Variants in NPIPB15 observed in about 807,000 individuals in gnomAD.
NPIPB15 encodes the protein nuclear pore complex interacting protein family member B15.
A neutral mutation model predicts 35.9 loss-of-function variants in NPIPB15; 5 were observed. The observed-to-expected ratio is 0.14, with a 90% CI of 0.07 to 0.29. The LOEUF (loss-of-function observed/expected upper bound fraction) is 0.29. NPIPB15 is among the 10% of genes least tolerant of loss of function. The pLI is 1.00. For missense variants in NPIPB15, 100 were observed against 506.1 expected (o/e 0.20, Z 7.70); for synonymous variants, 43 against 182.0 (o/e 0.24, Z 6.15).
chr16:74,386,357 A>T (rs2012282775), intron 5 of NPIPB15, among the ~76,000 whole-genome samples: 2 of 137,666 alleles, frequency 1.5e-5, no homozygotes, highest in East Asian at 4.9e-4. Flanking sequence ...GCTATGGTGC[A>T]ATCTTGGCTC....
chr16:74,387,500 G>A (rs1266861467), intron 5 of NPIPB15, among the ~76,000 whole-genome samples: 20 of 147,834 alleles, frequency 1.4e-4, no homozygotes, highest in African/African-American at 3.1e-4. Flanking sequence ...TGTTCTCATC[G>A]GAGATCAGAA....
chr16:74,377,203 T>C lies in NPIPB15; in HGVS notation c.-166T>C, dbSNP rs1367174463. Among the ~76,000 whole-genome samples, 1 of 135,768 alleles carries C rather than the reference T, an allele frequency of 7.4e-6. No individual in the cohort carries two copies. Among genetic ancestry groups the C allele is most frequent in the East Asian group, 2.1e-4 (1 of 4,698 alleles). The allele number at this position is 135,768 out of a possible 152,430, so 89.1% of individuals were successfully genotyped here. A position where few individuals can be genotyped will look rare whatever the true frequency, so the allele number is the denominator to read the frequency against. On this transcript the variant is annotated 5_prime_UTR_variant, in exon 1 of 8. Transcript: ENST00000692376. ...TGTAAAACCTGGCACTCTGCTTGGG[T>C]ATGAAGTTCTTCCTGCCATCCTGCC...
In NPIPB15 at chr16:74,379,831, A is replaced by T. The variant is rs1280074252; in HGVS notation, c.67-1685A>T. 7.9e-5 allele frequency among the ~76,000 whole-genome samples: 12 copies of T among 151,938 alleles called. No homozygotes were observed. The East Asian group carries it at 2.3e-3, about 30-fold the overall frequency. On this transcript the variant is annotated intron_variant, in intron 2 of 7. Coordinates refer to ENST00000692376, the MANE Select transcript of NPIPB15 (RefSeq NM_001306094.2). ...TCTCAATCTCCTGATCTCGTGGTCC[A>T]CCCACCTCGGCTTCCCAAAGTGCTG... is the stretch of plus-strand genomic sequence containing the variant.
chr16:74,377,592 G>A (rs569770846), intron 1 of NPIPB15, among the ~76,000 whole-genome samples: 11 of 152,124 alleles, frequency 7.2e-5, no homozygotes, highest in South Asian at 6.2e-4. Flanking sequence ...TAAGCCTCAC[G>A]CTCCCTTGCC....
At chr16:74,384,590 A>G (rs2012158148) in intron 3 of NPIPB15, among the ~76,000 whole-genome samples, 1 of 142,116 alleles carries the variant, frequency 7.0e-6, no homozygotes, top group East Asian at 2.3e-4. Flanking sequence ...GATGGTCTCC[A>G]TCTCTTGACC....
intron 5 of NPIPB15, among the ~76,000 whole-genome samples, chr16:74,387,679 G>A (rs2012348637): frequency 6.6e-6 from 1 of 152,052 alleles, no homozygotes; most frequent in Admixed American, 6.6e-5. Flanking sequence ...ACAGGACCCT[G>A]CTCCCATTGC....
chr16:74,391,844 G>A lies in NPIPB15; in HGVS notation c.1096G>A (p.Val366Met), dbSNP rs1346372305. Residue 366 changes from valine (V) to methionine (M), a missense_variant, in exon 8 of 8, where the codon GTG becomes ATG. Transcript: ENST00000692376. ...ACCCAAGAGGTGGAGGGTGGATGAG[G>A]TGGAACAATCACCGAAACCCAAGAG... ...PKPKRWRVDEVEQSPKPKRRR... is the reference protein window; with the variant it reads ...PKPKRWRVDEMEQSPKPKRRR... The A allele has an allele frequency of 6.2e-7, 1 of 1,608,314 alleles. No individual in the cohort carries two copies. The highest frequency in any genetic ancestry group is 8.5e-7 in the Non-Finnish European group (1 of 1,176,402).
At chr16:74,379,214 C>T (rs934852730) in intron 2 of NPIPB15, among the ~76,000 whole-genome samples, 1 of 152,220 alleles carries the variant, frequency 6.6e-6, no homozygotes, top group African/African-American at 2.4e-5. Flanking sequence ...CAGATGCATG[C>T]CATGCCATAG....
chr16:74,379,965 T>G (rs2011896836), intron 2 of NPIPB15, among the ~76,000 whole-genome samples: 3 of 151,594 alleles, frequency 2.0e-5, no homozygotes, highest in Non-Finnish European at 4.4e-5. Context: ...TTTTTTTTTT[T>G]TTTTTTACTT....
At chr16:74,389,438 T>C (rs1386302631) in intron 5 of NPIPB15, among the ~76,000 whole-genome samples, 3 of 149,548 alleles carry the variant, frequency 2.0e-5, no homozygotes, top group Non-Finnish European at 4.4e-5. Flanking sequence ...AATGACGTGA[T>C]CTTGGCTCAC....
intron 5 of NPIPB15, among the ~76,000 whole-genome samples, 190 bp from the exon 6 acceptor site, chr16:74,389,635 G>A (rs2012445827): frequency 1.1e-5 from 1 of 94,412 alleles, no homozygotes; most frequent in Non-Finnish European, 2.2e-5. Flanking sequence ...CCCTCCCGGA[G>A]TGCTGGGACT....
At chr16:74,387,092 G>A (rs1353535079) in intron 5 of NPIPB15, among the ~76,000 whole-genome samples, 2 of 151,726 alleles carry the variant, frequency 1.3e-5, no homozygotes, top group South Asian at 2.1e-4. Context: ...GATGGTCACG[G>A]GTCCTCCATA....
chr16:74,389,252 G>A (rs1474601620), intron 5 of NPIPB15, among the ~76,000 whole-genome samples: 1 of 149,356 alleles, frequency 6.7e-6, no homozygotes, highest in Non-Finnish European at 1.5e-5. Flanking sequence ...CTCAATGAAG[G>A]ATGAATTAGG....
chr16:74,378,620 G>A (rs1305339412), intron 2 of NPIPB15, among the ~76,000 whole-genome samples: 2 of 149,298 alleles, frequency 1.3e-5, no homozygotes, highest in East Asian at 2.0e-4. Flanking sequence ...TACCATGTTC[G>A]CCAGGATAGT....
chr16:74,387,700 C>T (rs1223231202), intron 5 of NPIPB15, among the ~76,000 whole-genome samples: 1 of 152,026 alleles, frequency 6.6e-6, no homozygotes, highest in Non-Finnish European at 1.5e-5. Flanking sequence ...ATTCTCAGCA[C>T]CACACCACAC....
At chr16:74,379,824 G>A (rs1216936281) in intron 2 of NPIPB15, among the ~76,000 whole-genome samples, 28 of 151,992 alleles carry the variant, frequency 1.8e-4, no homozygotes, top group Middle Eastern at 3.4e-3. Flanking sequence ...TCCTGATCTC[G>A]TGGTCCACCC....
rs552546174 is a variant in NPIPB15, at chr16:74,381,851, G to T, written c.249+153G>T. On this transcript the variant is annotated intron_variant, in intron 3 of 7. Coordinates refer to ENST00000692376, the MANE Select transcript of NPIPB15 (RefSeq NM_001306094.2). ...TTATTAGCATAAGAATTATGAAAAT[G>T]TCTGCCATTTACATTATGAAAATTA... 3,349 of 901,516 alleles carry T rather than the reference G, an allele frequency of 3.7e-3. 11 individuals are homozygous for T. Among genetic ancestry groups the T allele is most frequent in the Middle Eastern group, 4.8e-3 (14 of 2,888 alleles). The allele number at this position is 901,516 out of a possible 1,614,324, so 55.8% of individuals were successfully genotyped here.
chr16:74,381,428 G>T, intron 2 of NPIPB15, 88 bp from the exon 3 acceptor site: 1 of 1,419,962 alleles, frequency 7.0e-7, no homozygotes, highest in Non-Finnish European at 9.5e-7. Context: ...TTTTGGAGGA[G>T]GTTGACGGTT....
At position 74,376,980 on chromosome 16, in the gene NPIPB15, T is replaced by C. The variant is rs1209703112; in HGVS notation, c.-389T>C. Among the ~76,000 whole-genome samples the C allele has an allele frequency of 6.9e-6, 1 of 144,800 alleles. No individual in the cohort carries two copies. The highest frequency in any genetic ancestry group is 1.5e-5 in the Non-Finnish European group (1 of 66,522). 95.0% of individuals were successfully genotyped at this position (144,800 alleles called of 152,430 possible). On this transcript the variant is annotated 5_prime_UTR_variant, in exon 1 of 8. Coordinates refer to ENST00000692376, the MANE Select transcript of NPIPB15 (RefSeq NM_001306094.2). ...TTGATTGCTCTCAAATATATTGAGA[T>C]TTGCTGGAACAAAATAAGTCAGGTT...
Sources: gnomAD v4.1 joint callset for allele counts (sites outside exome capture counted in the v4.1 genomes callset) on GRCh38, gnomAD v4.1.1 for gene constraint, MANE v1.5 for transcripts, NCBI Gene and HGNC (gene_info 2026-07-23, HGNC 2026-07-21) for gene names.